The following CDK18 variants were observed in gnomAD, a reference collection of about 807,000 sequenced individuals.
CDK18 encodes the protein cyclin-dependent kinase 18.
A neutral mutation model predicts 62.0 loss-of-function variants in CDK18; 52 were observed. The ratio of observed to expected loss-of-function variants is 0.84; its 90% CI spans 0.67 to 1.06. The LOEUF (loss-of-function observed/expected upper bound fraction) is 1.06, where lower values mean the gene tolerates loss of function less well. CDK18 is among the 50% of genes least tolerant of loss of function. The pLI, the probability that CDK18 is intolerant of heterozygous loss-of-function variation, is 0.00. For missense variants in CDK18, 604 were observed against 619.9 expected (o/e 0.97, Z 0.27); for synonymous variants, 237 against 247.0 (o/e 0.96, Z 0.38).
chr1:205,528,121 C>T lies in CDK18; in HGVS notation c.927C>T (p.Pro309=), dbSNP rs371519112. 66 of 1,614,044 alleles carry T rather than the reference C, an allele frequency of 4.1e-5. No individual in the cohort carries two copies. In the Middle Eastern group the frequency reaches 1.0e-3, roughly 24 times the overall value. ...TGGTGACCCTGTGGTACAGGCCCCC[C>T]GATGTGCTGCTGGGATCCACAGAGT... ...NEVVTLWYRP[P]DVLLGSTEYS... Residue 309 remains proline, a synonymous_variant, in exon 10 of 16, where the codon CCC becomes CCT. Transcript: ENST00000429964. The surrounding 1 kb of genome is among the most constrained non-coding windows in gnomAD (Gnocchi z 4.2).
rs200845295 is a variant in CDK18, at chr1:205,523,493, C to T, written c.141C>T (p.Leu47=). The stretch of plus-strand genomic sequence containing the variant: ...GCCTGTCCCTCTTAGACTTGCAGCT[C>T]GGTCCTCTTGGCAGAGACCCCCCGC... The part of the protein sequence containing the change: ...LHNRRNENLQ[L]GPLGRDPPQE... The change falls in exon 3 of 16, where the codon CTC becomes CTT. Residue 47 remains leucine (L), a synonymous_variant. Coordinates refer to ENST00000429964, the MANE Select transcript of CDK18 (RefSeq NM_212502.3). The T allele has an allele frequency of 9.0e-5, 144 of 1,602,872 alleles. No individual in the cohort carries two copies. The highest frequency in any genetic ancestry group is 1.1e-4 in the Non-Finnish European group (135 of 1,175,380).
At chr1:205,521,278 C>T (rs919018458) in intron 1 of CDK18, among the ~76,000 whole-genome samples, 3 of 152,250 alleles carry the variant, frequency 2.0e-5, no homozygotes, top group African/African-American at 7.2e-5. Context: ...ATGGCGCAAT[C>T]TCCACTCACT....
At position 205,531,709 on chromosome 1, in the gene CDK18, A is replaced by G; in HGVS notation, c.*331A>G. The G allele has an allele frequency of 2.9e-6, 1 of 347,248 alleles. No homozygotes were observed. The allele number at this position is 347,248 out of a possible 1,614,324, so 21.5% of individuals were successfully genotyped here. The stretch of plus-strand genomic sequence containing the variant: ...CCTGCGTGGGATGCACACGGATGAC[A>G]GAATCAAGGCGCCAGGATGGGCACT... On this transcript the variant is annotated 3_prime_UTR_variant, in exon 16 of 16. Coordinates refer to ENST00000429964, the MANE Select transcript of CDK18 (RefSeq NM_212502.3).
At chr1:205,518,329 C>A (rs1575057971) in intron 1 of CDK18, among the ~76,000 whole-genome samples, 1 of 152,162 alleles carries the variant, frequency 6.6e-6, no homozygotes. Flanking sequence ...TCTGTGGATT[C>A]TCAGGGTCTA....
At chr1:205,522,314 G>C (rs1192539026) in intron 1 of CDK18, 2 of 152,266 alleles carry the variant, frequency 1.3e-5, no homozygotes, top group Non-Finnish European at 2.9e-5. Flanking sequence ...GTTCTCGGTA[G>C]GGGATACCTG....
intron 15 of CDK18, 147 bp from the exon 16 acceptor site, chr1:205,531,197 T>G (rs1668718777): frequency 3.0e-6 from 2 of 671,444 alleles, no homozygotes; most frequent in South Asian, 1.8e-5. Flanking sequence ...GAGATGGGAT[T>G]TGACACCAGG....
chr1:205,512,206 C>T (rs756027045), intron 1 of CDK18, among the ~76,000 whole-genome samples: 45 of 152,162 alleles, frequency 3.0e-4, no homozygotes, highest in South Asian at 1.9e-3. Context: ...GTTTCCACTT[C>T]GGGAGGGGAT....
At chr1:205,529,496 C>G (rs572660866) in intron 12 of CDK18, 25 bp from the exon 13 acceptor site, 1 of 1,609,858 alleles carries the variant, frequency 6.2e-7, no homozygotes, top group South Asian at 1.1e-5. Flanking sequence ...CAGGCACAGC[C>G]TGTGTCCGCG....
intron 1 of CDK18, chr1:205,522,879 T>C (rs749137472): frequency 3.9e-5 from 15 of 384,092 alleles, no homozygotes. Flanking sequence ...AGGTGGTCCA[T>C]AGAGAACTGC....
rs773677952 is a variant in CDK18, at chr1:205,526,555, G to C, written c.666+94G>C. On this transcript the variant is annotated intron_variant, in intron 7 of 15. Coordinates refer to ENST00000429964, the MANE Select transcript of CDK18 (RefSeq NM_212502.3). ...GGAAGCTGAGGGAGTGGGAGTAGTG[G>C]GATGAGGGCGACCCAGGCCTTGTTC... The C allele has an allele frequency of 2.0e-4, 213 of 1,052,408 alleles. 1 individual carries two copies. Among genetic ancestry groups the C allele is most frequent in the African/African-American group, 3.1e-5 (2 of 64,128 alleles). 65.2% of individuals were successfully genotyped at this position (1,052,408 alleles called of 1,614,324 possible).
intron 1 of CDK18, among the ~76,000 whole-genome samples, chr1:205,511,962 G>A (rs1298148363): frequency 1.3e-5 from 2 of 152,198 alleles, no homozygotes; most frequent in Non-Finnish European, 2.9e-5. Context: ...GCTGAGGCAG[G>A]AGAATTGCTT....
rs753271745 is a variant in CDK18 at position 205,530,325 on chromosome 1, G to C, written c.1288G>C (p.Glu430Gln). 3 of 1,613,126 alleles carry C rather than the reference G, an allele frequency of 1.9e-6. No homozygotes were observed. The highest frequency in any genetic ancestry group is 1.1e-5 in the South Asian group (1 of 91,078). Reference protein sequence around the residue: ...LSHSYFRSLGERVHQLEDTAS... With the variant: ...LSHSYFRSLGQRVHQLEDTAS... ...TCACTCCTACTTCCGGTCTCTGGGAGAGCGTGTGCACCAGCTTGAAGACAG... is the reference window on the plus strand; with the variant it reads ...TCACTCCTACTTCCGGTCTCTGGGACAGCGTGTGCACCAGCTTGAAGACAG... Residue 430 changes from glutamate (E) to glutamine (Q), a missense_variant, in exon 14 of 16, where the codon GAG (glutamate) becomes CAG (glutamine). By Grantham distance (29) the Glu-to-Gln change is conservative (BLOSUM62 2). Coordinates refer to ENST00000429964, the MANE Select transcript of CDK18 (RefSeq NM_212502.3).
intron 1 of CDK18, among the ~76,000 whole-genome samples, chr1:205,513,269 C>T (rs985567457): frequency 3.9e-5 from 6 of 152,270 alleles, no homozygotes; most frequent in Admixed American, 3.3e-4. Flanking sequence ...GAGAGTAAGG[C>T]GGGCTTTCTC....
rs1667882881 is a variant in CDK18, at chr1:205,517,534, A to G, written c.-21-5613A>G. Among the ~76,000 whole-genome samples the G allele has an allele frequency of 6.6e-6, 1 of 151,994 alleles. No homozygotes were observed. Among genetic ancestry groups the G allele is most frequent in the Admixed American group, 6.6e-5 (1 of 15,250 alleles). On this transcript the variant is annotated intron_variant, in intron 1 of 15. Transcript: ENST00000429964. The surrounding 1 kb of genome is among the most constrained non-coding windows in gnomAD (Gnocchi z 4.1). ...TGTACGTTGAAAATGTCACCTGCCCAACATCCAACTCCTGGTCTTCCCACT... is the reference window on the plus strand; with the variant it reads ...TGTACGTTGAAAATGTCACCTGCCCGACATCCAACTCCTGGTCTTCCCACT...
intron 13 of CDK18, 139 bp from the exon 14 acceptor site, chr1:205,530,120 G>A: frequency 6.7e-7 from 1 of 1,485,682 alleles, no homozygotes; most frequent in Middle Eastern, 2.5e-4. Context: ...TGTGGTAGGG[G>A]CTGGAGGCTG....
Position 205,527,546 on chromosome 1 carries a change from C to CG in CDK18, c.730-247dup. 2.0e-6 allele frequency: 1 copy of CG among 496,434 alleles called. No homozygotes were observed. The highest frequency in any genetic ancestry group is 3.4e-5 in the East Asian group (1 of 29,460). The allele number at this position is 496,434 out of a possible 1,614,324, so 30.8% of individuals were successfully genotyped here. ...CCACATAGGCGGGCATCCTGACCCC[C>CG]GTGCTCCTGACTGAGACTTCGCTGG... On this transcript the variant is annotated intron_variant, in intron 8 of 15. Coordinates refer to ENST00000429964, the MANE Select transcript of CDK18 (RefSeq NM_212502.3). This position sits in a 1 kb window ranked among gnomAD's most constrained non-coding sequence, Gnocchi z 4.1.
intron 1 of CDK18, among the ~76,000 whole-genome samples, chr1:205,506,795 C>T (rs1445024260): frequency 6.6e-6 from 1 of 152,198 alleles, no homozygotes; most frequent in East Asian, 1.9e-4. Flanking sequence ...TATTGAGGCT[C>T]CCATCTGTCT....
chr1:205,529,311 C>A lies in CDK18; in HGVS notation c.1073-13C>A. On this transcript the variant is annotated splice_polypyrimidine_tract_variant and intron_variant, in intron 11 of 15. Coordinates refer to ENST00000429964, the MANE Select transcript of CDK18 (RefSeq NM_212502.3). Reference sequence around the variant, plus strand: ...CTCACGCAGGCCCTCCCCACCCTCTCTCGTCTCCCCAGGGACCCCCACAGA... The same window carrying A: ...CTCACGCAGGCCCTCCCCACCCTCTATCGTCTCCCCAGGGACCCCCACAGA... 1 of 1,609,584 alleles carries A rather than the reference C, an allele frequency of 6.2e-7. No homozygotes were observed. Among genetic ancestry groups the A allele is most frequent in the Non-Finnish European group, 8.5e-7 (1 of 1,176,764 alleles).
intron 4 of CDK18, 99 bp from the exon 5 acceptor site, chr1:205,525,040 C>A: frequency 1.4e-6 from 1 of 711,930 alleles, no homozygotes; most frequent in Non-Finnish European, 2.5e-6. Flanking sequence ...CATGGAGTCT[C>A]ATCCCTTCCC....
Sources: gnomAD v4.1 joint callset for allele counts (sites outside exome capture counted in the v4.1 genomes callset) on GRCh38, gnomAD v4.1.1 for gene constraint, Gnocchi (gnomAD v3.1) non-coding constraint, MANE v1.5 for transcripts, NCBI Gene and HGNC (gene_info 2026-07-23, HGNC 2026-07-21) for gene names.